Variants in CDH4 observed in about 807,000 individuals in gnomAD.
CDH4 encodes cadherin 4.
CDH4 carries 33 observed loss-of-function variants against 86.0 expected under a neutral mutation model. That is an observed-to-expected ratio of 0.38 (90% confidence interval 0.29 to 0.51). The LOEUF is 0.51. CDH4 is among the 20% of genes least tolerant of loss of function. The pLI, the probability that CDH4 is intolerant of heterozygous loss-of-function variation, is 0.86. For synonymous variants in CDH4, 555 were observed against 549.4 expected, an observed-to-expected ratio of 1.01 and a Z score of -0.14; for missense variants, 1,114 against 1,307.4, an observed-to-expected ratio of 0.85 and a Z score of 2.28.
intron 2 of CDH4, among the ~76,000 whole-genome samples, chr20:61,642,249 C>T (rs567326273): frequency 6.6e-6 from 1 of 152,280 alleles, no homozygotes; most frequent in South Asian, 2.1e-4. Context: ...GAGGAAGGGG[C>T]CACCAAGGCA....
chr20:61,620,905 C>G (rs1323262119), intron 2 of CDH4, among the ~76,000 whole-genome samples: 1 of 152,246 alleles, frequency 6.6e-6, no homozygotes, highest in Non-Finnish European at 1.5e-5. Flanking sequence ...TGAGTGCCCC[C>G]AGACTGCTGA....
intron 2 of CDH4, among the ~76,000 whole-genome samples, chr20:61,328,042 A>G (rs1176396880): frequency 6.6e-6 from 1 of 152,218 alleles, no homozygotes. Context: ...GTGTTTGTAC[A>G]ACATTTTTAG....
chr20:61,266,269 A>G (rs2084157752), intron 2 of CDH4, among the ~76,000 whole-genome samples: 1 of 151,890 alleles, frequency 6.6e-6, no homozygotes, highest in African/African-American at 2.4e-5. Context: ...GTATGATTTA[A>G]TGAATTTCCA....
intron 2 of CDH4, among the ~76,000 whole-genome samples, chr20:61,502,148 G>A (rs368198267): frequency 2.6e-5 from 4 of 152,148 alleles, no homozygotes; most frequent in Non-Finnish European, 4.4e-5. Context: ...TGACGTGGAC[G>A]ATCTAACCTG....
chr20:61,600,232 T>C (rs2086589367), intron 2 of CDH4, among the ~76,000 whole-genome samples: 1 of 152,296 alleles, frequency 6.6e-6, no homozygotes, highest in African/African-American at 2.4e-5. Context: ...AAGAATGTTA[T>C]GGAGACAGAG....
rs1056914665 is a variant in CDH4 at position 61,936,957 on chromosome 20, TTCGGACCGAAGTGAGAGCCGTGC to T, written c.*21_*43del. 11 of 1,547,604 alleles carry T rather than the reference TTCGGACCGAAGTGAGAGCCGTGC, an allele frequency of 7.1e-6. No homozygotes were observed. The African/African-American group carries it at 1.5e-4, about 21-fold the overall frequency. On this transcript the variant is annotated 3_prime_UTR_variant, in exon 16 of 16. Transcript: ENST00000614565. ...GAAGAGGATTGACTGACCTCGCATC[TTCGGACCGAAGTGAGAGCCGTGC>T]TCGGACGCCGGAGGAGCAGGACTGA...
intron 2 of CDH4, among the ~76,000 whole-genome samples, chr20:61,727,403 CCAT>C (rs1405149833): frequency 1.3e-5 from 2 of 152,136 alleles, no homozygotes; most frequent in South Asian, 2.1e-4. Context: ...ACCATTGCTG[CCAT>C]CATCATCATC....
intron 2 of CDH4, among the ~76,000 whole-genome samples, chr20:61,490,250 G>A (rs1336006146): frequency 6.6e-6 from 1 of 152,208 alleles, no homozygotes. Context: ...CATCCATGTG[G>A]TGGAATTCTA....
At chr20:61,619,729 G>A (rs2086754374) in intron 2 of CDH4, among the ~76,000 whole-genome samples, 1 of 152,216 alleles carries the variant, frequency 6.6e-6, no homozygotes, top group Non-Finnish European at 1.5e-5. Context: ...GAGCGCTGTT[G>A]GACGGGGCTG....
rs143359043 is a variant in CDH4 at position 61,741,597 on chromosome 20, T to C, written c.170-1966T>C. Among the ~76,000 whole-genome samples the C allele has an allele frequency of 1.8e-3, 277 of 152,122 alleles. 7 individuals are homozygous for C. In the East Asian group the frequency reaches 0.047, roughly 26 times the overall value. On this transcript the variant is annotated intron_variant, in intron 2 of 15. Transcript: ENST00000614565. ...AGCTCCTCCTCCCAGGTTCACGCCA[T>C]TCTTCTGCCTCAGCCTCCCGAGTAG...
chr20:61,256,614 G>C (rs1350566183), intron 2 of CDH4, among the ~76,000 whole-genome samples: 2 of 152,178 alleles, frequency 1.3e-5, no homozygotes, highest in African/African-American at 4.8e-5. Flanking sequence ...TTCGCCTCGT[G>C]GGGGGCCAAG....
At position 61,622,992 on chromosome 20, in the gene CDH4, G is replaced by A. The variant is rs191672533; in HGVS notation, c.170-120571G>A. On this transcript the variant is annotated intron_variant, in intron 2 of 15. Transcript: ENST00000614565. ...CACTCGGAAGCTGCTTGGGACAGTGGGATAGGCCTGTTACCAACATGGACC... is the reference window on the plus strand; with the variant it reads ...CACTCGGAAGCTGCTTGGGACAGTGAGATAGGCCTGTTACCAACATGGACC... Among the ~76,000 whole-genome samples, 6 of 152,270 alleles carry A rather than the reference G, an allele frequency of 3.9e-5. No homozygotes were observed. The East Asian group carries it at 7.7e-4, about 20-fold the overall frequency.
intron 2 of CDH4, among the ~76,000 whole-genome samples, chr20:61,378,265 A>T (rs1029480946): frequency 1.3e-5 from 2 of 152,202 alleles, no homozygotes; most frequent in Admixed American, 6.5e-5. Flanking sequence ...AAAAGAAAAA[A>T]AAATTTATTG....
In CDH4 at chr20:61,544,757, C is replaced by CT. The variant is rs2086065241; in HGVS notation, c.170-198804dup. Among the ~76,000 whole-genome samples the CT allele has an allele frequency of 6.6e-6, 1 of 152,116 alleles. No homozygotes were observed. Among genetic ancestry groups the CT allele is most frequent in the Admixed American group, 6.5e-5 (1 of 15,280 alleles). The stretch of plus-strand genomic sequence containing the variant: ...TTGTAAAACCACCTGAATGAATTGG[C>CT]TTGGTCCATGGACTGGAAGCCTGAC... On this transcript the variant is annotated intron_variant, in intron 2 of 15. Coordinates refer to ENST00000614565, the MANE Select transcript of CDH4 (RefSeq NM_001794.5). This position sits in a 1 kb window ranked among gnomAD's most constrained non-coding sequence, Gnocchi z 6.5.
chr20:61,500,405 C>T (rs1424130955), intron 2 of CDH4, among the ~76,000 whole-genome samples: 1 of 152,236 alleles, frequency 6.6e-6, no homozygotes, highest in Non-Finnish European at 1.5e-5. Flanking sequence ...TTGCTCATTA[C>T]AATTCCACAT....
chr20:61,524,845 TA>T (rs2085898963), intron 2 of CDH4, among the ~76,000 whole-genome samples: 2 of 152,210 alleles, frequency 1.3e-5, no homozygotes, highest in Admixed American at 6.5e-5. Context: ...CATTAGATAA[TA>T]CCATTGTAGA....
chr20:61,496,308 A>G (rs2085662120), intron 2 of CDH4, among the ~76,000 whole-genome samples: 1 of 152,006 alleles, frequency 6.6e-6, no homozygotes, highest in Admixed American at 6.6e-5. Context: ...ATGCTGAGGC[A>G]GGAGGATCAC....
chr20:61,872,145 T>A (rs1983833105), intron 6 of CDH4, among the ~76,000 whole-genome samples: 1 of 152,176 alleles, frequency 6.6e-6, no homozygotes, highest in Non-Finnish European at 1.5e-5. Context: ...CCCCGCACCC[T>A]GGGCTTCTGG....
At chr20:61,934,026 C>G in intron 14 of CDH4, 30 bp from the exon 15 acceptor site, 1 of 1,607,912 alleles carries the variant, frequency 6.2e-7, no homozygotes, top group Non-Finnish European at 8.5e-7. Context: ...TCTTCTGATG[C>G]CCCTGACTCC....
Sources: allele counts gnomAD v4.1 joint callset (sites outside exome capture counted in the v4.1 genomes callset), GRCh38; gene constraint gnomAD v4.1.1; non-coding constraint Gnocchi (gnomAD v3.1); transcripts MANE v1.5; gene names NCBI Gene and HGNC (gene_info 2026-07-23, HGNC 2026-07-21).